ESYT1: variants seen among roughly 807,000 people sequenced by gnomAD.
The protein encoded by ESYT1 is extended synaptotagmin-1.
Under a neutral mutation model 154.2 loss-of-function variants are expected in ESYT1, and 116 were observed. The ratio of observed to expected loss-of-function variants is 0.75; its 90% confidence interval spans 0.65 to 0.88. The LOEUF (loss-of-function observed/expected upper bound fraction) is 0.88, where lower values mean the gene tolerates loss of function less well. Among genes scored for constraint, ESYT1 ranks in the 40% least tolerant of loss-of-function variants. The pLI is 0.00. For missense variants in ESYT1, 1,264 were observed against 1,379.3 expected (o/e 0.92, Z 1.32); for synonymous variants, 500 against 539.9 (o/e 0.93, Z 1.02).
At chr12:56,141,541 C>G (rs888906436) in intron 24 of ESYT1, among the ~76,000 whole-genome samples, 2 of 152,028 alleles carry the variant, frequency 1.3e-5, no homozygotes, top group South Asian at 2.1e-4. Flanking sequence ...GAGATCGAGA[C>G]CATCCTGGCT....
chr12:56,133,849 C>T lies in ESYT1; in HGVS notation c.1449C>T (p.Tyr483=). Residue 483 remains tyrosine (Y), a synonymous_variant, in exon 13 of 31, where the codon TAC becomes TAT. Transcript: ENST00000394048. ...DPPSAAILVV[Y]LDRAQDLPLK... is the part of the protein sequence containing the mutation. ...CGTCAGCTGCCATCTTAGTTGTCTA[C>T]CTGGATCGGGCCCAGGATCTTCCTG... 1 of 1,614,160 alleles carries T rather than the reference C, an allele frequency of 6.2e-7. No individual in the cohort carries two copies. Among genetic ancestry groups the T allele is most frequent in the Non-Finnish European group, 8.5e-7 (1 of 1,180,028 alleles).
rs765980834 is a variant in ESYT1 at position 56,131,808 on chromosome 12, T to A, written c.860+4T>A. The A allele has an allele frequency of 1.2e-6, 2 of 1,614,148 alleles. No individual in the cohort carries two copies. The highest frequency in any genetic ancestry group is 2.2e-5 in the South Asian group (2 of 91,088). The stretch of plus-strand genomic sequence containing the variant: ...TGCTGGATATCCCAGGACTTAGGTA[T>A]CAAGGACTTACTGAGCACCTGCTGA... On this transcript the variant is annotated splice_donor_region_variant and intron_variant, in intron 7 of 30. Transcript: ENST00000394048.
intron 24 of ESYT1, among the ~76,000 whole-genome samples, chr12:56,141,718 C>T (rs1458109285): frequency 1.3e-5 from 2 of 152,090 alleles, no homozygotes; most frequent in South Asian, 2.1e-4. Flanking sequence ...CCAGCCTGGG[C>T]AACAGAGCGA....
At position 56,132,431 on chromosome 12, in the gene ESYT1, G is replaced by A. The variant is rs976621148; in HGVS notation, c.995G>A (p.Arg332Gln). Residue 332 changes from arginine to glutamine, a missense_variant, in exon 9 of 31, where the codon CGA becomes CAA. Arg to Gln is a conservative substitution (Grantham distance 43, BLOSUM62 1). Transcript: ENST00000394048. Reference sequence around the variant, plus strand: ...GATTCCTTCCTCCAGGGCATTATTCGAATTCACCTGCTGGCTGCTCGAGGG... The same window carrying A: ...GATTCCTTCCTCCAGGGCATTATTCAAATTCACCTGCTGGCTGCTCGAGGG... ...LRSPLPRGIIRIHLLAARGLS... is the reference protein window; with the variant it reads ...LRSPLPRGIIQIHLLAARGLS... 4 of 1,613,974 alleles carry A rather than the reference G, an allele frequency of 2.5e-6. No individual in the cohort carries two copies. The African/African-American group carries it at 4.0e-5, about 16-fold the overall frequency.
intron 28 of ESYT1, 23 bp downstream of exon 28, chr12:56,143,171 G>A (rs1395878191): frequency 1.2e-6 from 2 of 1,614,160 alleles, no homozygotes; most frequent in South Asian, 1.1e-5. Context: ...GCATTCAGGT[G>A]GAGAGATGGC....
chr12:56,133,485 A>G lies in ESYT1; in HGVS notation c.1293+20A>G, dbSNP rs1870325142. The G allele has an allele frequency of 6.2e-7, 1 of 1,614,092 alleles. No individual in the cohort carries two copies. On this transcript the variant is annotated intron_variant, in intron 11 of 30. Coordinates refer to ENST00000394048, the MANE Select transcript of ESYT1 (RefSeq NM_015292.3). ...GATGATGTAAGTTGGGAGAAGAGGA[A>G]GGTGGGGGCTGATCTCACCCTTTGG...
chr12:56,139,099 T>G, intron 24 of ESYT1, 86 bp downstream of exon 24: 2 of 951,732 alleles, frequency 2.1e-6, no homozygotes, highest in Non-Finnish European at 3.2e-6. Flanking sequence ...AGAGATGAGA[T>G]AAAAGGTTGA....
Position 56,142,389 on chromosome 12 carries a change from T to A in ESYT1, c.2697T>A (p.Ser899Arg). Residue 899 changes from serine (S) to arginine (R), a missense_variant, in exon 25 of 31, where the codon AGT becomes AGA. Coordinates refer to ENST00000394048, the MANE Select transcript of ESYT1 (RefSeq NM_015292.3). The surrounding 1 kb of genome is among the most constrained non-coding windows in gnomAD (Gnocchi z 4.1). ...TGGACCGCTGGTTTACACTCAGCAG[T>A]GGTCAGGGGCAGGTGCTACTGAGAG... ...LCLDRWFTLS[S>R]GQGQVLLRAQ... 6.2e-7 allele frequency: 1 copy of A among 1,613,890 alleles called. No homozygotes were observed. The highest frequency in any genetic ancestry group is 8.5e-7 in the Non-Finnish European group (1 of 1,179,952).
intron 11 of ESYT1, 51 bp downstream of exon 11, chr12:56,133,516 T>C (rs756795843): frequency 9.3e-6 from 15 of 1,613,514 alleles, no homozygotes; most frequent in African/African-American, 2.7e-5. Context: ...TTTGGGTAGA[T>C]AGTAGTTGCT....
chr12:56,130,343 C>T (rs1019252809), intron 1 of ESYT1: 11 of 595,466 alleles, frequency 1.8e-5, no homozygotes, highest in Non-Finnish European at 3.0e-5. Context: ...CACCACGTCC[C>T]TGAGCTATCC....
At position 56,142,231 on chromosome 12, in the gene ESYT1, T is replaced by G; in HGVS notation, c.2593-54T>G. Reference sequence around the variant, plus strand: ...CGTTTGGACCTTTAAAACACCAGGATTAACTCATTTGTTGATGCATTCGCC... The same window carrying G: ...CGTTTGGACCTTTAAAACACCAGGAGTAACTCATTTGTTGATGCATTCGCC... On this transcript the variant is annotated intron_variant, in intron 24 of 30. Transcript: ENST00000394048. This position sits in a 1 kb window ranked among gnomAD's most constrained non-coding sequence, Gnocchi z 4.1. 6.2e-7 allele frequency: 1 copy of G among 1,600,486 alleles called. No homozygotes were observed. The highest frequency in any genetic ancestry group is 8.5e-7 in the Non-Finnish European group (1 of 1,171,384).
intron 22 of ESYT1, 38 bp downstream of exon 22, chr12:56,138,537 CCTT>C (rs1489492819): frequency 2.0e-6 from 3 of 1,531,904 alleles, no homozygotes; most frequent in Non-Finnish European, 2.7e-6. Flanking sequence ...ACTTCCTGGC[CCTT>C]CTTCCACCTT....
rs1241190726 is a variant in ESYT1, at chr12:56,142,982, C to A, written c.2988-35C>A. 6.2e-7 allele frequency: 1 copy of A among 1,614,162 alleles called. No homozygotes were observed. The highest frequency in any genetic ancestry group is 2.2e-5 in the East Asian group (1 of 44,890). On this transcript the variant is annotated intron_variant, in intron 27 of 30. Coordinates refer to ENST00000394048, the MANE Select transcript of ESYT1 (RefSeq NM_015292.3). The surrounding 1 kb of genome is among the most constrained non-coding windows in gnomAD (Gnocchi z 4.1). ...TCCAGATCGCCTCCATCCCTTCCCT[C>A]AGGTTACCATATCACCTACATCCTC...
chr12:56,128,382 C>T lies in ESYT1; in HGVS notation c.63C>T (p.Ser21=). ...CCATGGACCAGCCCTCTGCTCCCTC[C>T]GACCCCACTGACCAGCCCCCCGCTG... ...PSPMDQPSAP[S]DPTDQPPAAH... Residue 21 remains serine (S), a synonymous_variant, in exon 1 of 31, where the codon TCC becomes TCT. Coordinates refer to ENST00000394048, the MANE Select transcript of ESYT1 (RefSeq NM_015292.3). 5 of 1,612,276 alleles carry T rather than the reference C, an allele frequency of 3.1e-6. No homozygotes were observed. Among genetic ancestry groups the T allele is most frequent in the Non-Finnish European group, 4.2e-6 (5 of 1,179,208 alleles).
rs1870580984 is a variant in ESYT1 at position 56,138,984 on chromosome 12, A to G, written c.2563A>G (p.Lys855Glu). ...TGAGAGTGCCTCCTTTCTCATCAGG[A>G]AACCACACACTGAGAGCCTAGAGTT... ...WDESASFLIRKPHTESLELQV... is the reference protein window; with the variant it reads ...WDESASFLIREPHTESLELQV... Residue 855 changes from lysine (K) to glutamate (E), a missense_variant, in exon 24 of 31, where the codon AAA becomes GAA. Coordinates refer to ENST00000394048, the MANE Select transcript of ESYT1 (RefSeq NM_015292.3). The G allele has an allele frequency of 6.2e-7, 1 of 1,614,046 alleles. No individual in the cohort carries two copies.
rs763398340 is a variant in ESYT1 at position 56,132,798 on chromosome 12, G to A, written c.1241G>A (p.Gly414Asp). ...DKDPDKDDFL[G>D]RMKLDVGKVL... is the part of the protein sequence containing the mutation. ...GATCCAGATAAAGATGACTTTCTGG[G>A]CAGGTGAGACTCTGCCTGTTAGGAT... The change falls in exon 10 of 31, where the codon GGC (glycine) becomes GAC (aspartate). Residue 414 changes from glycine to aspartate, a missense_variant. Transcript: ENST00000394048. 1 of 1,613,820 alleles carries A rather than the reference G, an allele frequency of 6.2e-7. No individual in the cohort carries two copies. The highest frequency in any genetic ancestry group is 8.5e-7 in the Non-Finnish European group (1 of 1,179,856).
chr12:56,134,198 C>T lies in ESYT1; in HGVS notation c.1545+17C>T. ...GAGAGCAAGGTGAGGGCCAGGACAT[C>T]ATTGTGGGTGGCCAGGTAGGACAGG... On this transcript the variant is annotated intron_variant, in intron 14 of 30. Coordinates refer to ENST00000394048, the MANE Select transcript of ESYT1 (RefSeq NM_015292.3). The T allele has an allele frequency of 6.2e-7, 1 of 1,612,114 alleles. No individual in the cohort carries two copies. The highest frequency in any genetic ancestry group is 8.5e-7 in the Non-Finnish European group (1 of 1,178,144).
chr12:56,135,430 C>A (rs1780689646), intron 15 of ESYT1, among the ~76,000 whole-genome samples: 1 of 151,440 alleles, frequency 6.6e-6, no homozygotes, highest in African/African-American at 2.4e-5. Flanking sequence ...TCTCAGCCTC[C>A]CAAAGTGCTT....
chr12:56,143,516 G>A (rs570549385), intron 29 of ESYT1, 64 bp from the exon 30 acceptor site: 16 of 1,597,702 alleles, frequency 1.0e-5, no homozygotes, highest in East Asian at 2.2e-5. Flanking sequence ...AGCATCATCA[G>A]AATGAGATCC....
Sources: gnomAD v4.1 joint callset for allele counts (sites outside exome capture counted in the v4.1 genomes callset) on GRCh38, gnomAD v4.1.1 for gene constraint, Gnocchi (gnomAD v3.1) non-coding constraint, MANE v1.5 for transcripts, NCBI Gene and HGNC (gene_info 2026-07-23, HGNC 2026-07-21) for gene names.